TASP1: variants seen among roughly 807,000 people sequenced by gnomAD.
TASP1 encodes taspase 1.
Under a neutral mutation model 56.6 loss-of-function variants are expected in TASP1, and 16 were observed. The ratio of observed to expected loss-of-function variants is 0.28; its 90% CI spans 0.19 to 0.43. The LOEUF is 0.43. TASP1 is among the 20% of genes least tolerant of loss of function. TASP1 has a pLI of 1.00. For missense variants in TASP1, 393 were observed against 511.6 expected (o/e 0.77, Z 2.24); for synonymous variants, 179 against 184.2 (o/e 0.97, Z 0.23).
chr20:13,293,050 A>G, the TASP1 span, among the ~76,000 whole-genome samples: 1 of 151,984 alleles, frequency 6.6e-6, no homozygotes, highest in African/African-American at 2.4e-5. Context: ...ATACAAAAAA[A>G]TTAGCTGGGC....
At chr20:13,326,604 C>T in the TASP1 span, among the ~76,000 whole-genome samples, 20,597 of 152,026 alleles carry the variant, frequency 0.14, 1,665 homozygotes, top group Non-Finnish European at 0.17. Flanking sequence ...ATTTCCTTAG[C>T]GTTTCATGAT....
chr20:13,214,527 ACACACACAC>A, the TASP1 span, among the ~76,000 whole-genome samples: 12 of 65,616 alleles, frequency 1.8e-4, no homozygotes, highest in African/African-American at 2.0e-3. Context: ...AGGCACACAC[ACACACACAC>A]ACACACACAC....
the TASP1 span, among the ~76,000 whole-genome samples, chr20:13,227,114 T>C: frequency 6.6e-6 from 1 of 152,226 alleles, no homozygotes; most frequent in Non-Finnish European, 1.5e-5. Flanking sequence ...TATTGCAACT[T>C]CTGCTCTTTC....
chr20:13,368,010 C>T, the TASP1 span, among the ~76,000 whole-genome samples: 1 of 152,214 alleles, frequency 6.6e-6, no homozygotes, highest in Non-Finnish European at 1.5e-5. Context: ...AGCAAGCAGA[C>T]TTGACAATTT....
At chr20:13,334,165 G>T in the TASP1 span, among the ~76,000 whole-genome samples, 55,977 of 151,966 alleles carry the variant, frequency 0.37, 11,893 homozygotes, top group African/African-American at 0.58. Context: ...AGCTATGGAA[G>T]TCACAGGTTT....
intron 11 of TASP1, among the ~76,000 whole-genome samples, chr20:13,447,088 T>C (rs1211368988): frequency 2.0e-5 from 3 of 152,154 alleles, no homozygotes; most frequent in African/African-American, 4.8e-5. Context: ...AGCATACTCA[T>C]TTATTTGCTA....
At chr20:13,446,420 A>G (rs1002927747) in intron 11 of TASP1, among the ~76,000 whole-genome samples, 27 of 152,274 alleles carry the variant, frequency 1.8e-4, no homozygotes, top group African/African-American at 6.0e-4. Flanking sequence ...GACAAAAAGT[A>G]AATTTTCATT....
chr20:13,509,858 C>T (rs1156834883), intron 10 of TASP1, among the ~76,000 whole-genome samples: 1 of 152,130 alleles, frequency 6.6e-6, no homozygotes, highest in East Asian at 1.9e-4. Context: ...AAACTCCTGA[C>T]CTTGTGATCC....
At chr20:13,164,485 G>C in the TASP1 span, 2 of 535,332 alleles carry the variant, frequency 3.7e-6, no homozygotes, top group South Asian at 1.7e-5. Context: ...TGGGTCACAT[G>C]TTTTTATTCT....
At chr20:13,214,669 TACA>T in the TASP1 span, among the ~76,000 whole-genome samples, 1 of 151,838 alleles carries the variant, frequency 6.6e-6, no homozygotes, top group Non-Finnish European at 1.5e-5. Flanking sequence ...ACAGAACTGG[TACA>T]ACATCACCTC....
intron 11 of TASP1, 25 bp downstream of exon 11, chr20:13,483,202 G>A (rs1314344300): frequency 6.9e-7 from 1 of 1,445,244 alleles, no homozygotes; most frequent in East Asian, 2.4e-5. Flanking sequence ...TTTAGAAGAT[G>A]TAATCTTCTT....
intron 13 of TASP1, among the ~76,000 whole-genome samples, chr20:13,400,836 A>C (rs954686716): frequency 2.0e-5 from 3 of 152,266 alleles, no homozygotes; most frequent in African/African-American, 7.2e-5. Flanking sequence ...AAAGTCATAC[A>C]TTGTAACTAT....
At chr20:13,332,674 A>C in the TASP1 span, among the ~76,000 whole-genome samples, 1,866 of 152,350 alleles carry the variant, frequency 0.012, 31 homozygotes, top group African/African-American at 0.043. Context: ...GTGATGAATA[A>C]GGAAGGACTG....
chr20:13,202,093 C>T, the TASP1 span, among the ~76,000 whole-genome samples: 8 of 152,178 alleles, frequency 5.3e-5, no homozygotes, highest in Non-Finnish European at 8.8e-5. Flanking sequence ...TCCATACGCA[C>T]TACCCATCTC....
intron 11 of TASP1, among the ~76,000 whole-genome samples, chr20:13,479,261 C>T (rs572918506): frequency 1.6e-3 from 245 of 151,986 alleles, no homozygotes; most frequent in African/African-American, 5.6e-3. Context: ...ATATTTTATA[C>T]AAATATTTTT....
chr20:13,509,251 C>CA (rs1021141507), intron 10 of TASP1, among the ~76,000 whole-genome samples: 2 of 150,014 alleles, frequency 1.3e-5, no homozygotes, highest in African/African-American at 4.9e-5. Flanking sequence ...ATAAGCCAAA[C>CA]AAAAAAAGAC....
the TASP1 span, among the ~76,000 whole-genome samples, chr20:13,372,415 A>G: frequency 1.4e-4 from 22 of 152,268 alleles, no homozygotes; most frequent in African/African-American, 4.6e-4. Flanking sequence ...CTGAGTCTCA[A>G]GTCTGCTGGC....
chr20:13,577,434 A>G (rs1489727684), intron 6 of TASP1, among the ~76,000 whole-genome samples: 1 of 152,126 alleles, frequency 6.6e-6, no homozygotes, highest in Non-Finnish European at 1.5e-5. Context: ...CTACAATGTG[A>G]GGTCTATTTC....
intron 11 of TASP1, among the ~76,000 whole-genome samples, chr20:13,457,562 A>G (rs1434583752): frequency 6.6e-6 from 1 of 152,166 alleles, no homozygotes; most frequent in Non-Finnish European, 1.5e-5. Context: ...GTATATACAC[A>G]TATAGATAAA....
Sources: allele counts gnomAD v4.1 joint callset (sites outside exome capture counted in the v4.1 genomes callset), GRCh38; gene constraint gnomAD v4.1.1; transcripts MANE v1.5; gene names NCBI Gene and HGNC (gene_info 2026-07-23, HGNC 2026-07-21).